Variants in COL16A1 observed in about 807,000 individuals in gnomAD.
COL16A1 encodes the protein collagen alpha-1(XVI) chain.
A neutral mutation model predicts 266.3 loss-of-function variants in COL16A1; 189 were observed. That is an observed-to-expected ratio of 0.71 (90% CI 0.63 to 0.80). The LOEUF (loss-of-function observed/expected upper bound fraction) is 0.80, where lower values mean the gene tolerates loss of function less well. Among genes scored for constraint, COL16A1 ranks in the 30% least tolerant of loss-of-function variants. The pLI, the probability that COL16A1 is intolerant of heterozygous loss-of-function variation, is 0.00. For missense variants in COL16A1, 1,928 were observed against 2,122.4 expected, an observed-to-expected ratio of 0.91 and a Z score of 1.80; for synonymous variants, 740 against 782.3, an observed-to-expected ratio of 0.95 and a Z score of 0.90.
chr1:31,672,630 A>G lies in COL16A1; in HGVS notation c.2984T>C (p.Leu995Ser). ...CTCGGCTCTTGGGCGCTCCAGTGAC[A>G]AAAAGCACTGCAAGGGACAATGAGA... is the stretch of plus-strand genomic sequence containing the variant. ...PGLDNCAQCF[L>S]SLERPRAEEA... is the part of the protein sequence containing the mutation. The change falls in exon 46 of 71, where the codon TTG (leucine) becomes TCG (serine). Residue 995 changes from leucine to serine, a missense_variant. Leu to Ser is a moderately radical substitution (Grantham distance 145). Coordinates refer to ENST00000373672, the MANE Select transcript of COL16A1 (RefSeq NM_001856.4). 1 of 1,605,170 alleles carries G rather than the reference A, an allele frequency of 6.2e-7. No individual in the cohort carries two copies.
In COL16A1 at chr1:31,684,104, C is replaced by T. The variant is rs1343761305; in HGVS notation, c.2283+5G>A. ...CAGGGAAGGGCCGGAGGGCAGGCAACTCACGGGTTTACCAGGTCGGCCCAC... is the reference window on the plus strand; with the variant it reads ...CAGGGAAGGGCCGGAGGGCAGGCAATTCACGGGTTTACCAGGTCGGCCCAC... On this transcript the variant is annotated splice_donor_5th_base_variant and intron_variant, in intron 32 of 70. Transcript: ENST00000373672. 1.3e-6 allele frequency: 2 copies of T among 1,597,874 alleles called. No individual in the cohort carries two copies. The highest frequency in any genetic ancestry group is 1.7e-4 in the Middle Eastern group (1 of 6,026).
chr1:31,690,675 G>A (rs965142036), intron 20 of COL16A1, 102 bp from the exon 21 acceptor site: 18 of 1,508,166 alleles, frequency 1.2e-5, no homozygotes, highest in South Asian at 7.4e-5. Flanking sequence ...CAGAACAATC[G>A]TTGCCAAATC....
rs1642290565 is a variant in COL16A1, at chr1:31,668,023, A to G, written c.3303+142T>C. The G allele has an allele frequency of 8.7e-6, 6 of 691,582 alleles. No individual in the cohort carries two copies. The highest frequency in any genetic ancestry group is 1.5e-5 in the Non-Finnish European group (6 of 410,938). The allele number at this position is 691,582 out of a possible 1,614,324, so 42.8% of individuals were successfully genotyped here. A position where few individuals can be genotyped will look rare whatever the true frequency, so the allele number is the denominator to read the frequency against. On this transcript the variant is annotated intron_variant, in intron 51 of 70. Transcript: ENST00000373672. The surrounding 1 kb of genome is among the most constrained non-coding windows in gnomAD (Gnocchi z 5.8). ...GCCTACAGTGGGGAGAGGGGGCTGC[A>G]TGGACTTTAGGCAAAGGAGGAGGCT...
intron 42 of COL16A1, chr1:31,679,348 G>A: frequency 1.4e-6 from 2 of 1,430,076 alleles, no homozygotes; most frequent in Non-Finnish European, 1.9e-6. Context: ...CAGTGGGCCG[G>A]GCTCTGTACC....
chr1:31,688,958 A>G lies in COL16A1; in HGVS notation c.1670T>C (p.Leu557Ser), dbSNP rs1426226703. Residue 557 changes from leucine (L) to serine (S), a missense_variant, in exon 25 of 71, where the codon TTG (leucine) becomes TCG (serine). Around this residue, in one of 2 missense-constraint regions of COL16A1, gnomAD observed 1,552 missense variants for 1,637.2 expected, o/e 0.95. Transcript: ENST00000373672. This position sits in a 1 kb window ranked among gnomAD's most constrained non-coding sequence, Gnocchi z 4.9. ...GIKGEKGEPC[L>S]SCSSVVGAQH... ...GGCCCCTACAACCGAGCTGCAGGAC[A>G]AGCAGGGCTCCCCCTGGGGAAAGAA... 1 of 1,614,164 alleles carries G rather than the reference A, an allele frequency of 6.2e-7. No homozygotes were observed. Among genetic ancestry groups the G allele is most frequent in the Non-Finnish European group, 8.5e-7 (1 of 1,180,012 alleles).
Position 31,655,420 on chromosome 1 carries a change from C to G in COL16A1, c.4184G>C (p.Gly1395Ala), listed in dbSNP as rs752252028. Residue 1395 changes from glycine (G) to alanine (A), a missense_variant, in exon 67 of 71, where the codon GGT becomes GCT. Physicochemically the swap from Gly to Ala is moderately conservative, Grantham distance 60 (BLOSUM62 0). Around this residue, in one of 2 missense-constraint regions of COL16A1, gnomAD observed 376 missense variants for 485.2 expected, o/e 0.77. Coordinates refer to ENST00000373672, the MANE Select transcript of COL16A1 (RefSeq NM_001856.4). ...AGMPGGPGKS[G>A]SMGPVGPPGP... ...CGGTGGCCCAACAGGCCCCATGGAA[C>G]CACTCTTGCCAGGTCCACCAGGCAT... 1.9e-6 allele frequency: 3 copies of G among 1,614,118 alleles called. No homozygotes were observed. The Admixed American group carries it at 5.0e-5, about 27-fold the overall frequency.
At chr1:31,691,944 A>G in intron 17 of COL16A1, 61 bp downstream of exon 17, 1 of 1,611,306 alleles carries the variant, frequency 6.2e-7, no homozygotes. Flanking sequence ...CGAAGGTTAA[A>G]TCCCAGCATT....
intron 42 of COL16A1, 81 bp from the exon 43 acceptor site, chr1:31,675,392 G>T: frequency 1.9e-6 from 3 of 1,551,274 alleles, no homozygotes; most frequent in Non-Finnish European, 2.6e-6. Context: ...CATCATCCCC[G>T]CCTCCTCTTC....
At chr1:31,666,913 C>A (rs1400416617) in intron 52 of COL16A1, among the ~76,000 whole-genome samples, 1 of 152,202 alleles carries the variant, frequency 6.6e-6, no homozygotes, top group Non-Finnish European at 1.5e-5. Flanking sequence ...CACGGCAGGG[C>A]AAGAGGGCAA....
Position 31,672,466 on chromosome 1 carries a change from TC to T in COL16A1, c.3054del (p.Ser1019AlafsTer22). 4 of 1,614,042 alleles carry T rather than the reference TC, an allele frequency of 2.5e-6. No individual in the cohort carries two copies. Among genetic ancestry groups the T allele is most frequent in the Non-Finnish European group, 3.4e-6 (4 of 1,180,000 alleles). ...CCCGGAGGACCAGGTAGGCCTGGGC[TC>T]CCAACACAGCCAGGATCTCCCTCAC... Reference protein sequence around the residue: ...DNSEGDPGCVGSPGLPGPPGL... With the variant: ...DNSEGDPGCVXSPGLPGPPGL... On this transcript the variant is annotated frameshift_variant, in exon 47 of 71. Coordinates refer to ENST00000373672, the MANE Select transcript of COL16A1 (RefSeq NM_001856.4). LOFTEE classifies it high-confidence loss of function.
intron 44 of COL16A1, chr1:31,673,058 A>C: frequency 1.6e-6 from 1 of 632,614 alleles, no homozygotes; most frequent in Non-Finnish European, 2.9e-6. Flanking sequence ...CTCCAGGAAG[A>C]AGCTCTGGTA....
chr1:31,675,629 T>C (rs1643118797), intron 42 of COL16A1, among the ~76,000 whole-genome samples: 1 of 152,180 alleles, frequency 6.6e-6, no homozygotes, highest in Admixed American at 6.5e-5. Flanking sequence ...CGTTTTTCTA[T>C]ATTTTCTCTC....
At chr1:31,667,792 C>T (rs887611049) in intron 51 of COL16A1, among the ~76,000 whole-genome samples, 164 bp from the exon 52 acceptor site, 1 of 152,220 alleles carries the variant, frequency 6.6e-6, no homozygotes, top group African/African-American at 2.4e-5. Flanking sequence ...CCATCTGCCA[C>T]CGTGCCCCCC....
At position 31,699,813 on chromosome 1, in the gene COL16A1, C is replaced by A. The variant is rs371928481; in HGVS notation, c.266G>T (p.Arg89Leu). The change falls in exon 4 of 71, where the codon CGA (arginine) becomes CTA (leucine). Residue 89 changes from arginine (R) to leucine (L), a missense_variant and splice_region_variant. By Grantham distance (102) the Arg-to-Leu change is moderately radical (BLOSUM62 -2). Around this residue, in one of 2 missense-constraint regions of COL16A1, gnomAD observed 1,552 missense variants for 1,637.2 expected, o/e 0.95. Transcript: ENST00000373672. ...LGAAPVTQPT[R>L]RVFPRGLPEE... is the part of the protein sequence containing the mutation. ...TCAGTGGTCACATGGATGCATTTAC[C>A]GCGTGGGCTGGGTCACGGGGGCCGC... The A allele has an allele frequency of 6.3e-7, 1 of 1,586,832 alleles. No homozygotes were observed. Among genetic ancestry groups the A allele is most frequent in the Admixed American group, 1.7e-5 (1 of 59,944 alleles).
Position 31,700,014 on chromosome 1 carries a change from G to C in COL16A1, c.148+27C>G, listed in dbSNP as rs373122885. On this transcript the variant is annotated intron_variant, in intron 3 of 70. Transcript: ENST00000373672. ...ACTCCCAGAGGAAGGTTGCAGGGAC[G>C]GCGCGATGAGATGGTTGGGTGCTCA... 3 of 1,613,404 alleles carry C rather than the reference G, an allele frequency of 1.9e-6. No homozygotes were observed. The Admixed American group carries it at 5.0e-5, about 27-fold the overall frequency.
intron 44 of COL16A1, among the ~76,000 whole-genome samples, chr1:31,673,753 T>C (rs954306696): frequency 1.3e-5 from 2 of 152,252 alleles, no homozygotes; most frequent in Non-Finnish European, 2.9e-5. Context: ...TGGATTGGCG[T>C]GGGCCTGTCC....
At chr1:31,655,168 C>T in intron 67 of COL16A1, 146 bp downstream of exon 67, 1 of 1,347,468 alleles carries the variant, frequency 7.4e-7, no homozygotes. Flanking sequence ...CATCCCCACC[C>T]TTCCGCACAC....
chr1:31,655,362 A>G lies in COL16A1; in HGVS notation c.4242T>C (p.Ala1414=). 1 of 1,613,718 alleles carries G rather than the reference A, an allele frequency of 6.2e-7. No homozygotes were observed. Among genetic ancestry groups the G allele is most frequent in the Non-Finnish European group, 8.5e-7 (1 of 1,179,886 alleles). ...GPAGERGHPG[A]PGPSGSPGLP... ...AGCCAGGGCTCCCCGAAGGCCCCGG[A>G]GCTCCAGGGTGGCCTCTCTCTCCTG... Residue 1414 remains alanine, a synonymous_variant, in exon 67 of 71, where the codon GCT becomes GCC. Transcript: ENST00000373672.
chr1:31,679,442 T>G, intron 42 of COL16A1, 190 bp downstream of exon 42: 1 of 1,592,280 alleles, frequency 6.3e-7, no homozygotes, highest in Non-Finnish European at 8.6e-7. Flanking sequence ...GTGCTGGGAG[T>G]GCAGAGCCTG....
Sources: gnomAD v4.1 joint callset for allele counts (sites outside exome capture counted in the v4.1 genomes callset) on GRCh38, gnomAD v4.1.1 for gene constraint, gnomAD v4.1.1 regional missense constraint, Gnocchi (gnomAD v3.1) non-coding constraint, MANE v1.5 for transcripts, NCBI Gene and HGNC (gene_info 2026-07-23, HGNC 2026-07-21) for gene names.